Variants in PDGFD observed in about 807,000 individuals in gnomAD.
PDGFD encodes platelet-derived growth factor D.
Under a neutral mutation model 44.7 loss-of-function variants are expected in PDGFD, and 30 were observed. That is an observed-to-expected ratio of 0.67 (90% CI 0.50 to 0.91). PDGFD has a LOEUF of 0.91. Among genes scored for constraint, PDGFD ranks in the 40% least tolerant of loss-of-function variants. PDGFD has a pLI of 0.00. For synonymous variants in PDGFD, 173 were observed against 168.4 expected, an observed-to-expected ratio of 1.03 and a Z score of -0.21; for missense variants, 445 against 457.8, an observed-to-expected ratio of 0.97 and a Z score of 0.25.
Position 104,083,646 on chromosome 11 carries a change from C to T in PDGFD, c.124+80158G>A, listed in dbSNP as rs149779757. 2.6e-5 allele frequency among the ~76,000 whole-genome samples: 4 copies of T among 152,292 alleles called. No homozygotes were observed. The East Asian group carries it at 7.7e-4, about 29-fold the overall frequency. On this transcript the variant is annotated intron_variant, in intron 1 of 6. Transcript: ENST00000393158. ...CAAAAATAAACTGGATTATCTTGATCTAATTAGCCCATGATAATCTTGGAA... is the reference window on the plus strand; with the variant it reads ...CAAAAATAAACTGGATTATCTTGATTTAATTAGCCCATGATAATCTTGGAA...
At chr11:104,139,301 G>GAGAGCTTCCTC (rs1862051232) in intron 1 of PDGFD, among the ~76,000 whole-genome samples, 1 of 152,104 alleles carries the variant, frequency 6.6e-6, no homozygotes, top group Non-Finnish European at 1.5e-5. Context: ...TCAGCATCCT[G>GAGAGCTTCCTC]AGAGCTTCCT....
At chr11:103,934,370 A>G (rs1858454488) in intron 5 of PDGFD, among the ~76,000 whole-genome samples, 1 of 152,204 alleles carries the variant, frequency 6.6e-6, no homozygotes, top group South Asian at 2.1e-4. Flanking sequence ...AGATTCTGTA[A>G]TTGGTGATTA....
At chr11:103,955,946 C>G (rs143305283) in intron 3 of PDGFD, among the ~76,000 whole-genome samples, 1 of 151,992 alleles carries the variant, frequency 6.6e-6, no homozygotes, top group Non-Finnish European at 1.5e-5. Context: ...CAATCATCCA[C>G]GTAATCTTGG....
In PDGFD at chr11:104,041,117, G is replaced by GA. The variant is rs143926599; in HGVS notation, c.125-40863_125-40862insT. Among the ~76,000 whole-genome samples, 1,229 of 152,092 alleles carry GA rather than the reference G, an allele frequency of 8.1e-3. 20 individuals carry two copies. Among genetic ancestry groups the GA allele is most frequent in the African/African-American group, 0.028 (1,169 of 41,510 alleles). Reference sequence around the variant, plus strand: ...TGCCAGTAGAAATGACAACAGAGTAGGCAGGACTCAGAATATATACAACAA... The same window carrying GA: ...TGCCAGTAGAAATGACAACAGAGTAGAGCAGGACTCAGAATATATACAACAA... On this transcript the variant is annotated intron_variant, in intron 1 of 6. Coordinates refer to ENST00000393158, the MANE Select transcript of PDGFD (RefSeq NM_025208.5).
At position 103,983,946 on chromosome 11, in the gene PDGFD, A is replaced by T. The variant is rs1483733141; in HGVS notation, c.510+12119T>A. ...CGTGGAGAAAAACGAATGCTTATAC[A>T]CTGTCGGTGGAAGTGTAAATCAGTT... is the stretch of plus-strand genomic sequence containing the variant. On this transcript the variant is annotated intron_variant, in intron 3 of 6. Coordinates refer to ENST00000393158, the MANE Select transcript of PDGFD (RefSeq NM_025208.5). Among the ~76,000 whole-genome samples, 2 of 151,674 alleles carry T rather than the reference A, an allele frequency of 1.3e-5. 1 individual carries two copies. Among genetic ancestry groups the T allele is most frequent in the African/African-American group, 4.9e-5 (2 of 41,016 alleles).
intron 1 of PDGFD, among the ~76,000 whole-genome samples, chr11:104,090,379 G>A (rs1383291389): frequency 6.6e-6 from 1 of 151,772 alleles, no homozygotes; most frequent in Non-Finnish European, 1.5e-5. Flanking sequence ...CAGCAACTTG[G>A]AAGGCTGAGG....
chr11:104,062,629 C>T (rs1320116884), intron 1 of PDGFD, among the ~76,000 whole-genome samples: 10 of 152,040 alleles, frequency 6.6e-5, no homozygotes, highest in Admixed American at 6.6e-4. Context: ...GCAGTAGTAA[C>T]CAAATGAGAA....
At chr11:103,916,160 A>G (rs1391622886) in intron 6 of PDGFD, among the ~76,000 whole-genome samples, 1 of 152,178 alleles carries the variant, frequency 6.6e-6, no homozygotes. Context: ...CAAGCAACCT[A>G]CAGAATGGGA....
chr11:104,049,065 C>T (rs764333030), intron 1 of PDGFD, among the ~76,000 whole-genome samples: 8 of 152,142 alleles, frequency 5.3e-5, no homozygotes, highest in South Asian at 2.1e-4. Flanking sequence ...CCAGGACTCA[C>T]GGAACTAGAA....
intron 1 of PDGFD, among the ~76,000 whole-genome samples, chr11:104,088,539 T>C (rs901760280): frequency 6.6e-6 from 1 of 152,332 alleles, no homozygotes; most frequent in African/African-American, 2.4e-5. Context: ...AGAGATACCA[T>C]ACTTTTTAAA....
At chr11:104,091,632 C>T (rs1382892398) in intron 1 of PDGFD, among the ~76,000 whole-genome samples, 2 of 152,078 alleles carry the variant, frequency 1.3e-5, no homozygotes, top group African/African-American at 4.8e-5. Flanking sequence ...TTAACTATGC[C>T]CTTCAATGAG....
chr11:104,144,875 G>A (rs1862141163), intron 1 of PDGFD, among the ~76,000 whole-genome samples: 1 of 152,098 alleles, frequency 6.6e-6, no homozygotes, highest in African/African-American at 2.4e-5. Flanking sequence ...AAGCCTTCCA[G>A]AGCTAAAATT....
chr11:104,141,181 T>TA (rs1269881691), intron 1 of PDGFD, among the ~76,000 whole-genome samples: 1 of 152,182 alleles, frequency 6.6e-6, no homozygotes, highest in Non-Finnish European at 1.5e-5. Context: ...CCAACGTAGT[T>TA]AAAAAACCTG....
rs140937185 is a variant in PDGFD at position 104,107,586 on chromosome 11, C to A, written c.124+56218G>T. Among the ~76,000 whole-genome samples the A allele has an allele frequency of 2.8e-3, 423 of 152,248 alleles. 7 individuals carry two copies. The East Asian group carries it at 0.043, about 15-fold the overall frequency. On this transcript the variant is annotated intron_variant, in intron 1 of 6. Coordinates refer to ENST00000393158, the MANE Select transcript of PDGFD (RefSeq NM_025208.5). ...ATTTATTAAAAACAGTAAATGAATA[C>A]AAAAGTCAATGTAAACTAAAATTCC...
intron 3 of PDGFD, among the ~76,000 whole-genome samples, chr11:103,965,349 G>A (rs1302276113): frequency 6.6e-6 from 1 of 152,268 alleles, no homozygotes; most frequent in South Asian, 2.1e-4. Context: ...GAGAGAAGAC[G>A]TTAGAGGTCA....
chr11:104,059,895 A>T (rs1470305137), intron 1 of PDGFD, among the ~76,000 whole-genome samples: 1 of 152,200 alleles, frequency 6.6e-6, no homozygotes, highest in East Asian at 1.9e-4. Context: ...GAAGGCTTAA[A>T]CACAATTTTG....
chr11:103,939,271 G>A (rs1858544557), intron 5 of PDGFD, among the ~76,000 whole-genome samples: 1 of 151,994 alleles, frequency 6.6e-6, no homozygotes, highest in African/African-American at 2.4e-5. Flanking sequence ...GGTCCTTCAT[G>A]TCCCTTGTAA....
intron 1 of PDGFD, among the ~76,000 whole-genome samples, chr11:104,161,543 T>A (rs1042218685): frequency 1.3e-5 from 2 of 152,254 alleles, no homozygotes; most frequent in Non-Finnish European, 2.9e-5. Flanking sequence ...TCAACCATTT[T>A]TTCACTATTG....
chr11:104,004,971 C>T (rs550573613), intron 1 of PDGFD, among the ~76,000 whole-genome samples: 41 of 150,738 alleles, frequency 2.7e-4, no homozygotes, highest in African/African-American at 8.0e-4. Flanking sequence ...CTCCGCCTCC[C>T]GGGTTCAAGC....
Sources: allele counts gnomAD v4.1 joint callset (sites outside exome capture counted in the v4.1 genomes callset), GRCh38; gene constraint gnomAD v4.1.1; transcripts MANE v1.5; gene names NCBI Gene and HGNC (gene_info 2026-07-23, HGNC 2026-07-21).